Variants in PSD3 observed in about 807,000 individuals in gnomAD.
PSD3 encodes the protein pleckstrin and Sec7 domain containing 3, also known as PH and SEC7 domain-containing protein 3.
PSD3 carries 49 observed loss-of-function variants against 105.5 expected under a neutral mutation model. That is an observed-to-expected ratio of 0.46 (90% CI 0.37 to 0.59). The LOEUF (loss-of-function observed/expected upper bound fraction) is 0.59. PSD3 is among the 20% of genes least tolerant of loss of function. The pLI is 0.00. For missense variants in PSD3, 1,561 were observed against 1,263.8 expected, an observed-to-expected ratio of 1.24 and a Z score of -3.57; for synonymous variants, 557 against 457.8, an observed-to-expected ratio of 1.22 and a Z score of -2.77.
chr8:18,578,151 G>A (rs932614361), intron 12 of PSD3, among the ~76,000 whole-genome samples: 1 of 151,692 alleles, frequency 6.6e-6, no homozygotes, highest in Non-Finnish European at 1.5e-5. Context: ...TTTTCTCTTA[G>A]GAATCACATA....
At chr8:18,648,893 T>G (rs1808257022) in intron 10 of PSD3, among the ~76,000 whole-genome samples, 1 of 152,258 alleles carries the variant, frequency 6.6e-6, no homozygotes, top group Non-Finnish European at 1.5e-5. Flanking sequence ...TAAGCCTTGG[T>G]GGCTTCCACA....
Position 18,804,566 on chromosome 8 carries a change from C to T in PSD3, c.1866G>A (p.Leu622=). ...EFSKLVAEEY[L]KFFDFTGMTL... is the part of the protein sequence containing the mutation. ...TCATTCCTGTAAAATCAAAAAACTT[C>T]AGATATTCTTCTGCAACTAGTTTGC... Residue 622 remains leucine (L), a synonymous_variant, in exon 6 of 16, where the codon CTG becomes CTA. Coordinates refer to ENST00000327040, the MANE Select transcript of PSD3 (RefSeq NM_015310.4). The T allele has an allele frequency of 1.2e-6, 2 of 1,613,654 alleles. No individual in the cohort carries two copies. Among genetic ancestry groups the T allele is most frequent in the Non-Finnish European group, 1.7e-6 (2 of 1,179,600 alleles).
At chr8:18,994,529 A>T (rs1825965282) in intron 1 of PSD3, among the ~76,000 whole-genome samples, 1 of 152,108 alleles carries the variant, frequency 6.6e-6, no homozygotes, top group Non-Finnish European at 1.5e-5. Flanking sequence ...TACGACAGTC[A>T]CATGGGGCCA....
intron 10 of PSD3, among the ~76,000 whole-genome samples, chr8:18,644,944 G>T (rs758358146): frequency 6.6e-6 from 1 of 152,120 alleles, no homozygotes; most frequent in African/African-American, 2.4e-5. Context: ...TCCTTGCTGG[G>T]GTCTTCTCTA....
At chr8:18,877,047 T>C (rs1817774452) in intron 2 of PSD3, among the ~76,000 whole-genome samples, 1 of 152,242 alleles carries the variant, frequency 6.6e-6, no homozygotes. Context: ...GAGTTCTTTA[T>C]ATATTCTGGA....
chr8:18,720,110 TATGGGAAA>T (rs1802857630), intron 9 of PSD3, among the ~76,000 whole-genome samples: 1 of 152,150 alleles, frequency 6.6e-6, no homozygotes, highest in East Asian at 1.9e-4. Flanking sequence ...ATTTCCAATG[TATGGGAAA>T]CTCATATATG....
intron 14 of PSD3, among the ~76,000 whole-genome samples, chr8:18,565,345 A>C (rs1026662735): frequency 6.6e-6 from 1 of 152,206 alleles, no homozygotes; most frequent in African/African-American, 2.4e-5. Context: ...TTTTCAAACA[A>C]GTCTTTCCAC....
chr8:19,025,101 C>G (rs991937296), intron 1 of PSD3, among the ~76,000 whole-genome samples: 2 of 152,098 alleles, frequency 1.3e-5, no homozygotes, highest in Non-Finnish European at 2.9e-5. Context: ...CCCTGAAAAG[C>G]AGGATGAGGG....
At chr8:18,956,905 T>C (rs1015580882) in intron 1 of PSD3, among the ~76,000 whole-genome samples, 2 of 152,132 alleles carry the variant, frequency 1.3e-5, no homozygotes, top group Non-Finnish European at 2.9e-5. Flanking sequence ...CTGTTTCTGG[T>C]GGCAACCAGG....
intron 1 of PSD3, among the ~76,000 whole-genome samples, chr8:19,055,825 A>G (rs1474197341): frequency 6.6e-6 from 1 of 152,206 alleles, no homozygotes; most frequent in Admixed American, 6.5e-5. Flanking sequence ...CTGTATTCAG[A>G]TTACATTAAA....
intron 1 of PSD3, among the ~76,000 whole-genome samples, chr8:18,987,336 A>G (rs917804451): frequency 1.1e-4 from 16 of 151,196 alleles, no homozygotes; most frequent in African/African-American, 3.2e-4. Context: ...CGCCCAGGCT[A>G]GAGTGCAGTG....
intron 9 of PSD3, among the ~76,000 whole-genome samples, chr8:18,670,481 AATCTGGG>A (rs969551895): frequency 6.6e-6 from 1 of 152,118 alleles, no homozygotes; most frequent in Non-Finnish European, 1.5e-5. Context: ...AGGCAGGTGG[AATCTGGG>A]TGAGAGGTGA....
chr8:18,851,580 G>A (rs1225657334), intron 4 of PSD3, among the ~76,000 whole-genome samples: 1 of 152,218 alleles, frequency 6.6e-6, no homozygotes, highest in Non-Finnish European at 1.5e-5. Flanking sequence ...AGCATGGCTG[G>A]AGCTAGACCT....
intron 2 of PSD3, among the ~76,000 whole-genome samples, chr8:18,920,120 T>A (rs1820910943): frequency 6.6e-6 from 1 of 151,614 alleles, no homozygotes; most frequent in African/African-American, 2.4e-5. Flanking sequence ...TTCACAATGA[T>A]CATTTCCAAA....
chr8:18,676,759 T>C (rs1025615517), intron 9 of PSD3, among the ~76,000 whole-genome samples: 1 of 152,204 alleles, frequency 6.6e-6, no homozygotes, highest in Admixed American at 6.5e-5. Context: ...ATCTGTGCTT[T>C]GCCTAATAAA....
intron 1 of PSD3, among the ~76,000 whole-genome samples, chr8:19,022,853 G>C (rs1306618524): frequency 3.6e-5 from 4 of 110,524 alleles, no homozygotes; most frequent in African/African-American, 1.2e-4. Flanking sequence ...GTAGAACAAA[G>C]TCTCAGGACC....
At chr8:19,069,026 C>T (rs914615699) in intron 1 of PSD3, among the ~76,000 whole-genome samples, 1 of 152,148 alleles carries the variant, frequency 6.6e-6, no homozygotes, top group African/African-American at 2.4e-5. Flanking sequence ...GCACCCAACT[C>T]ACAGTTCTGA....
At chr8:18,721,666 T>C (rs13267101) in intron 9 of PSD3, among the ~76,000 whole-genome samples, 118,599 of 151,664 alleles carry the variant, frequency 0.78, 47,850 homozygotes, top group Non-Finnish European at 0.9. Context: ...CCATACTGCA[T>C]AAACCGATGA....
intron 1 of PSD3, among the ~76,000 whole-genome samples, chr8:18,951,163 G>A (rs941161127): frequency 6.6e-6 from 1 of 152,094 alleles, no homozygotes; most frequent in Non-Finnish European, 1.5e-5. Flanking sequence ...GGGAGGCCGT[G>A]GTGGGAAGGT....
Sources: allele counts gnomAD v4.1 joint callset (sites outside exome capture counted in the v4.1 genomes callset), GRCh38; gene constraint gnomAD v4.1.1; transcripts MANE v1.5; gene names NCBI Gene and HGNC (gene_info 2026-07-23, HGNC 2026-07-21).